L3MBTL4: variants seen among roughly 807,000 people sequenced by gnomAD.
L3MBTL4 encodes lethal(3)malignant brain tumor-like protein 4.
In L3MBTL4, 70 loss-of-function variants were observed where a neutral mutation model predicts 84.5. The ratio of observed to expected loss-of-function variants is 0.83; its 90% CI spans 0.68 to 1.01. L3MBTL4 has a LOEUF of 1.01. Among genes scored for constraint, L3MBTL4 ranks in the 50% least tolerant of loss-of-function variants. The probability of loss-of-function intolerance (pLI) is 0.00; values close to 1 mark genes in which losing one functional copy is unlikely to be tolerated. For missense variants in L3MBTL4, 715 were observed against 754.8 expected, an observed-to-expected ratio of 0.95 and a Z score of 0.62; for synonymous variants, 274 against 259.8, an observed-to-expected ratio of 1.05 and a Z score of -0.52.
At position 6,397,987 on chromosome 18, in the gene L3MBTL4, T is replaced by C. The variant is rs542873933; in HGVS notation, c.-91+16814A>G. The C allele has an allele frequency of 2.0e-5, 3 of 152,348 alleles. No homozygotes were observed. The South Asian group carries it at 6.2e-4, about 32-fold the overall frequency. The allele number at this position is 152,348 out of a possible 1,614,324, so 9.4% of individuals were successfully genotyped here. On this transcript the variant is annotated intron_variant, in intron 1 of 18. Coordinates refer to ENST00000317931, the MANE Select transcript of L3MBTL4 (RefSeq NM_001330559.2). Reference sequence around the variant, plus strand: ...CTTTCTTGGGAAGAAAAATCCATTATTCTGAGATGGTTTCCCTCTTACATT... The same window carrying C: ...CTTTCTTGGGAAGAAAAATCCATTACTCTGAGATGGTTTCCCTCTTACATT...
chr18:6,081,492 T>C (rs1452680822), intron 15 of L3MBTL4, among the ~76,000 whole-genome samples: 1 of 152,240 alleles, frequency 6.6e-6, no homozygotes, highest in Non-Finnish European at 1.5e-5. Flanking sequence ...TCATACTTTA[T>C]AATGAATATG....
intron 1 of L3MBTL4, among the ~76,000 whole-genome samples, chr18:6,390,298 A>C (rs1277912456): frequency 2.0e-5 from 3 of 152,168 alleles, no homozygotes; most frequent in African/African-American, 7.2e-5. Context: ...ATAGTGACAC[A>C]AGTTATCAAA....
At chr18:5,981,720 A>G (rs2053228564) in intron 16 of L3MBTL4, among the ~76,000 whole-genome samples, 1 of 151,838 alleles carries the variant, frequency 6.6e-6, no homozygotes. Flanking sequence ...AAGACACTTG[A>G]GTCCAGGAGT....
In L3MBTL4 at chr18:6,117,188, G is replaced by A. The variant is rs187870728; in HGVS notation, c.1199+21006C>T. On this transcript the variant is annotated intron_variant, in intron 14 of 18. Transcript: ENST00000317931. ...TGGAAGAGACTGAGGGTCAATAAGC[G>A]GGACTAATTTATAGACAGGTGACTG... Among the ~76,000 whole-genome samples the A allele has an allele frequency of 9.2e-5, 14 of 152,262 alleles. No homozygotes were observed. The East Asian group carries it at 1.9e-3, about 21-fold the overall frequency.
At chr18:6,271,452 G>A (rs1332433072) in intron 4 of L3MBTL4, among the ~76,000 whole-genome samples, 1 of 152,180 alleles carries the variant, frequency 6.6e-6, no homozygotes, top group Non-Finnish European at 1.5e-5. Flanking sequence ...AGGGTGGGGC[G>A]GCAAAGGGAG....
At chr18:6,136,580 A>G (rs1396272767) in intron 14 of L3MBTL4, among the ~76,000 whole-genome samples, 1 of 152,222 alleles carries the variant, frequency 6.6e-6, no homozygotes, top group Non-Finnish European at 1.5e-5. Context: ...ACTTCACTTC[A>G]GCCTCTGATT....
intron 16 of L3MBTL4, among the ~76,000 whole-genome samples, chr18:6,008,734 C>T (rs1038534164): frequency 7.9e-5 from 12 of 152,194 alleles, no homozygotes; most frequent in African/African-American, 2.4e-4. Flanking sequence ...CAGAGTATCA[C>T]GGGTTTGGAT....
intron 1 of L3MBTL4, among the ~76,000 whole-genome samples, chr18:6,387,118 A>G (rs1349515238): frequency 6.6e-6 from 1 of 152,130 alleles, no homozygotes; most frequent in Non-Finnish European, 1.5e-5. Flanking sequence ...TTTTTGGCAA[A>G]ACACACACAC....
In L3MBTL4 at chr18:6,264,013, T is replaced by C. The variant is rs1013412605; in HGVS notation, c.153A>G (p.Ala51=). 1.9e-6 allele frequency: 3 copies of C among 1,613,698 alleles called. No homozygotes were observed. Among genetic ancestry groups the C allele is most frequent in the African/African-American group, 2.7e-5 (2 of 74,930 alleles). The change falls in exon 5 of 19, where the codon GCA becomes GCG. Residue 51 remains alanine (A), a synonymous_variant. Coordinates refer to ENST00000317931, the MANE Select transcript of L3MBTL4 (RefSeq NM_001330559.2). ...CTTTCAAGTACCACTCCCAAGACCA[T>C]GCTCCCTGTGCAGCCGCTGAAGGGA... ...SHVPSAAAQG[A]WSWEWYLKEQ...
chr18:6,063,474 C>T (rs2057301978), intron 16 of L3MBTL4, among the ~76,000 whole-genome samples: 1 of 151,908 alleles, frequency 6.6e-6, no homozygotes, highest in Non-Finnish European at 1.5e-5. Context: ...CTAGTTTACA[C>T]TCCCACCAGC....
chr18:6,098,577 A>T (rs2143793306), intron 14 of L3MBTL4, among the ~76,000 whole-genome samples: 1 of 152,260 alleles, frequency 6.6e-6, no homozygotes, highest in South Asian at 2.1e-4. Flanking sequence ...CTTTCTTGTG[A>T]TCCTGAAAAG....
chr18:6,147,487 T>C (rs1038131229), intron 13 of L3MBTL4, among the ~76,000 whole-genome samples: 3 of 151,620 alleles, frequency 2.0e-5, no homozygotes, highest in Non-Finnish European at 4.4e-5. Context: ...GAAATGAAAA[T>C]GCAAAAAAAA....
chr18:6,248,038 T>G (rs1035409276), intron 5 of L3MBTL4, among the ~76,000 whole-genome samples: 1 of 152,188 alleles, frequency 6.6e-6, no homozygotes, highest in Non-Finnish European at 1.5e-5. Flanking sequence ...CACATAGACA[T>G]GTACACATGT....
chr18:6,090,293 A>C (rs1298327709), intron 15 of L3MBTL4, among the ~76,000 whole-genome samples: 2 of 152,128 alleles, frequency 1.3e-5, no homozygotes, highest in African/African-American at 2.4e-5. Flanking sequence ...TCTCAAAATA[A>C]AAACATGACT....
intron 4 of L3MBTL4, among the ~76,000 whole-genome samples, chr18:6,264,789 A>G (rs576564985): frequency 2.1e-3 from 319 of 151,842 alleles, no homozygotes; most frequent in African/African-American, 7.4e-3. Flanking sequence ...CATCTTGGGG[A>G]AAAAAAAATC....
intron 15 of L3MBTL4, chr18:6,082,283 A>G (rs2058104276): frequency 6.6e-6 from 1 of 152,146 alleles, no homozygotes; most frequent in Non-Finnish European, 1.5e-5. Flanking sequence ...ATTATATTCA[A>G]CATATGTATC....
At chr18:6,029,777 G>C (rs866303921) in intron 16 of L3MBTL4, 3 of 985,242 alleles carry the variant, frequency 3.0e-6, no homozygotes, top group Middle Eastern at 5.2e-4. Flanking sequence ...AGTTGTACCA[G>C]AAAAACTGAT....
chr18:6,066,371 T>C (rs2057399439), intron 16 of L3MBTL4, among the ~76,000 whole-genome samples: 1 of 152,130 alleles, frequency 6.6e-6, no homozygotes, highest in Admixed American at 6.6e-5. Context: ...TTAAGTCCAT[T>C]TGTTCTAGGG....
In L3MBTL4 at chr18:6,412,447, C is replaced by G. The variant is rs145228437; in HGVS notation, c.-91+2354G>C. ...CTCTCTGGAGAACAGAAAACTTAAC[C>G]CACTTGAAGGAGTGATGGGGGGAGG... On this transcript the variant is annotated intron_variant, in intron 1 of 18. Transcript: ENST00000317931. Among the ~76,000 whole-genome samples, 805 of 152,150 alleles carry G rather than the reference C, an allele frequency of 5.3e-3. 9 individuals carry two copies. The highest frequency in any genetic ancestry group is 0.018 in the African/African-American group (754 of 41,502).
Sources: gnomAD v4.1 joint callset for allele counts (sites outside exome capture counted in the v4.1 genomes callset) on GRCh38, gnomAD v4.1.1 for gene constraint, MANE v1.5 for transcripts, NCBI Gene and HGNC (gene_info 2026-07-23, HGNC 2026-07-21) for gene names.